The following HTT variants were observed in gnomAD, a reference collection of about 807,000 sequenced individuals.
The protein encoded by HTT is huntington disease protein.
In HTT, 104 loss-of-function variants were observed where a neutral mutation model predicts 362.3. That is an observed-to-expected ratio of 0.29 (90% CI 0.24 to 0.34). HTT has a LOEUF of 0.34. Among genes scored for constraint, HTT ranks in the 10% least tolerant of loss-of-function variants. The pLI is 1.00. For synonymous variants in HTT, 1,577 were observed against 1,548.7 expected, an observed-to-expected ratio of 1.02 and a Z score of -0.43; for missense variants, 3,301 against 3,928.6, an observed-to-expected ratio of 0.84 and a Z score of 4.27.
intron 6 of HTT, chr4:3,112,975 A>C: frequency 1.1e-6 from 1 of 904,086 alleles, no homozygotes; most frequent in South Asian, 5.1e-5. Flanking sequence ...TATGATTTTA[A>C]TTTCCATTCC....
At chr4:3,110,683 C>T (rs1410516066) in intron 6 of HTT, among the ~76,000 whole-genome samples, 1 of 152,182 alleles carries the variant, frequency 6.6e-6, no homozygotes, top group Non-Finnish European at 1.5e-5. Flanking sequence ...AATGCAAAGT[C>T]TTTGCCCTGT....
Position 3,133,493 on chromosome 4 carries a change from C to A in HTT, c.2493+582C>A, listed in dbSNP as rs1016122152. Among the ~76,000 whole-genome samples, 6 of 125,790 alleles carry A rather than the reference C, an allele frequency of 4.8e-5. No homozygotes were observed. The East Asian group carries it at 1.3e-3, about 28-fold the overall frequency. 82.5% of individuals were successfully genotyped at this position (125,790 alleles called of 152,430 possible). On this transcript the variant is annotated intron_variant, in intron 18 of 66. Coordinates refer to ENST00000355072, the MANE Select transcript of HTT (RefSeq NM_001388492.1). ...CCTGGGCAACAGAGTGAGACTGTCT[C>A]AAAAATAATAGTAATAATAATCAGT...
At chr4:3,210,539 C>G (rs377363628) in intron 47 of HTT, among the ~76,000 whole-genome samples, 1 of 152,152 alleles carries the variant, frequency 6.6e-6, no homozygotes, top group Non-Finnish European at 1.5e-5. Flanking sequence ...GGGCACCCTG[C>G]GCAGAGCTAG....
intron 2 of HTT, among the ~76,000 whole-genome samples, chr4:3,088,298 T>C (rs1713319675): frequency 1.3e-5 from 2 of 151,396 alleles, no homozygotes; most frequent in East Asian, 2.0e-4. Context: ...GCCATTCTCC[T>C]GCTTCAGCCT....
At position 3,127,483 on chromosome 4, in the gene HTT, C is replaced by T. The variant is rs1241775419; in HGVS notation, c.1622C>T (p.Pro541Leu). The change falls in exon 12 of 67, where the codon CCA (proline) becomes CTA (leucine). Residue 541 changes from proline to leucine, a missense_variant. By Grantham distance (98) the Pro-to-Leu change is moderately conservative. Around this residue, in one of 4 missense-constraint regions of HTT, gnomAD observed 2,316 missense variants for 2,658.5 expected, o/e 0.87. Transcript: ENST00000355072. ...SHSSSQVSAV[P>L]SDPAMDLNDG... ...AGCTCCAGCCAGGTCAGCGCCGTCC[C>T]ATCTGACCCTGCCATGGACCTGAAT... 1.9e-6 allele frequency: 3 copies of T among 1,614,200 alleles called. No individual in the cohort carries two copies. The highest frequency in any genetic ancestry group is 2.2e-5 in the South Asian group (2 of 91,088).
At chr4:3,226,284 G>C (rs570747858) in intron 57 of HTT, among the ~76,000 whole-genome samples, 127 of 152,330 alleles carry the variant, frequency 8.3e-4, no homozygotes, top group African/African-American at 2.9e-3. Context: ...ATTGGTCTGT[G>C]CTTCTGTTTC....
At chr4:3,124,456 A>G (rs1465799426) in intron 10 of HTT, among the ~76,000 whole-genome samples, 1 of 152,174 alleles carries the variant, frequency 6.6e-6, no homozygotes, top group Admixed American at 6.5e-5. Context: ...TATAAGACAG[A>G]TGAAGGTAGA....
chr4:3,107,251 T>C, intron 5 of HTT, 34 bp from the exon 6 acceptor site: 1 of 1,602,472 alleles, frequency 6.2e-7, no homozygotes, highest in Non-Finnish European at 8.5e-7. Context: ...GAAGGAGAGC[T>C]GGAAGAATGA....
intron 40 of HTT, among the ~76,000 whole-genome samples, chr4:3,190,767 G>A (rs1396654863): frequency 6.6e-6 from 1 of 152,152 alleles, no homozygotes; most frequent in East Asian, 1.9e-4. Flanking sequence ...AGCATGGAAA[G>A]CAGCCAGTCC....
intron 42 of HTT, among the ~76,000 whole-genome samples, chr4:3,204,958 G>A (rs1719784987): frequency 6.6e-6 from 1 of 152,188 alleles, no homozygotes; most frequent in Non-Finnish European, 1.5e-5. Flanking sequence ...ACTCCGGCCT[G>A]GGTGACAAGG....
chr4:3,204,087 T>A lies in HTT; in HGVS notation c.5657T>A (p.Leu1886His). The change falls in exon 42 of 67, where the codon CTT becomes CAT. Residue 1886 changes from leucine to histidine, a missense_variant. Leu to His is a moderately conservative substitution (Grantham distance 99). Transcript: ENST00000355072. Reference sequence around the variant, plus strand: ...GAGGATTCTGACTTGGCAGCCAAACTTGGAATGTGCAATAGAGAAATAGTA... The same window carrying A: ...GAGGATTCTGACTTGGCAGCCAAACATGGAATGTGCAATAGAGAAATAGTA... ...EEEDSDLAAKLGMCNREIVRR... is the reference protein window; with the variant it reads ...EEEDSDLAAKHGMCNREIVRR... 6.2e-7 allele frequency: 1 copy of A among 1,614,142 alleles called. No individual in the cohort carries two copies. Among genetic ancestry groups the A allele is most frequent in the Middle Eastern group, 1.6e-4 (1 of 6,062 alleles).
chr4:3,235,180 C>T (rs1578616748), intron 61 of HTT, 104 bp from the exon 62 acceptor site: 1 of 834,668 alleles, frequency 1.2e-6, no homozygotes, highest in South Asian at 1.5e-5. Flanking sequence ...CGGGAGCCCG[C>T]CTGGCCCATA....
At chr4:3,100,140 T>C (rs1714080300) in intron 3 of HTT, among the ~76,000 whole-genome samples, 1 of 152,238 alleles carries the variant, frequency 6.6e-6, no homozygotes, top group African/African-American at 2.4e-5. Flanking sequence ...GCCAGAGCTA[T>C]GCCCAAATTT....
At chr4:3,175,740 A>G (rs905021545) in intron 33 of HTT, among the ~76,000 whole-genome samples, 1 of 152,244 alleles carries the variant, frequency 6.6e-6, no homozygotes, top group Non-Finnish European at 1.5e-5. Context: ...GATTCGTCCC[A>G]GTTAAATCAC....
At chr4:3,239,467 A>G (rs1444944375) in intron 66 of HTT, among the ~76,000 whole-genome samples, 1 of 152,202 alleles carries the variant, frequency 6.6e-6, no homozygotes, top group Non-Finnish European at 1.5e-5. Flanking sequence ...AAGAGCCTCC[A>G]AGCAGCACAG....
intron 6 of HTT, among the ~76,000 whole-genome samples, chr4:3,109,072 T>A (rs1048021411): frequency 0.013 from 2,030 of 150,436 alleles, 42 homozygotes; most frequent in African/African-American, 0.04. Flanking sequence ...AAAAAATATA[T>A]ATATATATAT....
At chr4:3,171,088 T>C (rs565913089) in intron 29 of HTT, among the ~76,000 whole-genome samples, 40 of 152,356 alleles carry the variant, frequency 2.6e-4, no homozygotes, top group African/African-American at 8.4e-4. Flanking sequence ...ACAGGTTCTA[T>C]TTGTAATTTT....
chr4:3,173,861 C>CG (rs1718108803), intron 31 of HTT, among the ~76,000 whole-genome samples: 1 of 151,906 alleles, frequency 6.6e-6, no homozygotes, highest in Admixed American at 6.6e-5. Context: ...TTAGTAGAGA[C>CG]GGGGTTTCAC....
chr4:3,126,688 T>C (rs1033937155), intron 11 of HTT, among the ~76,000 whole-genome samples: 1 of 152,240 alleles, frequency 6.6e-6, no homozygotes, highest in African/African-American at 2.4e-5. Flanking sequence ...AACAGCTTCA[T>C]GTCGACCTTT....
Sources: gnomAD v4.1 joint callset for allele counts (sites outside exome capture counted in the v4.1 genomes callset) on GRCh38, gnomAD v4.1.1 for gene constraint, gnomAD v4.1.1 regional missense constraint, MANE v1.5 for transcripts, NCBI Gene and HGNC (gene_info 2026-07-23, HGNC 2026-07-21) for gene names.